SLC43A2: variants seen among roughly 807,000 people sequenced by gnomAD.
The protein encoded by SLC43A2 is solute carrier family 43 member 2.
A neutral mutation model predicts 63.2 loss-of-function variants in SLC43A2; 38 were observed. The ratio of observed to expected loss-of-function variants is 0.60; its 90% CI spans 0.46 to 0.79. The LOEUF is 0.79. Among genes scored for constraint, SLC43A2 ranks in the 30% least tolerant of loss-of-function variants. The pLI, the probability that SLC43A2 is intolerant of heterozygous loss-of-function variation, is 0.00. For synonymous variants in SLC43A2, 322 were observed against 331.0 expected (o/e 0.97, Z 0.30); for missense variants, 644 against 756.2 (o/e 0.85, Z 1.74).
Position 1,605,933 on chromosome 17 carries a change from C to G in SLC43A2, c.501+7262G>C, listed in dbSNP as rs931336226. ...CGGCCGGGTCCAGTCCTGCCAATAC[C>G]GCTGCCCTTTCCGTCTGAACGTGGT... On this transcript the variant is annotated intron_variant, in intron 5 of 13. Coordinates refer to ENST00000301335, the MANE Select transcript of SLC43A2 (RefSeq NM_152346.3). The surrounding 1 kb of genome is among the most constrained non-coding windows in gnomAD (Gnocchi z 4.9). Among the ~76,000 whole-genome samples, 1 of 152,184 alleles carries G rather than the reference C, an allele frequency of 6.6e-6. No homozygotes were observed. Among genetic ancestry groups the G allele is most frequent in the African/African-American group, 2.4e-5 (1 of 41,448 alleles).
In SLC43A2 at chr17:1,606,812, C is replaced by T. The variant is rs1906662012; in HGVS notation, c.501+6383G>A. On this transcript the variant is annotated intron_variant, in intron 5 of 13. Coordinates refer to ENST00000301335, the MANE Select transcript of SLC43A2 (RefSeq NM_152346.3). The surrounding 1 kb of genome is among the most constrained non-coding windows in gnomAD (Gnocchi z 4.7). Reference sequence around the variant, plus strand: ...GCCCTCCACGGATGGCACGCGATGGCCCAGGCCCTGTGCTGCAGGGCCCTG... The same window carrying T: ...GCCCTCCACGGATGGCACGCGATGGTCCAGGCCCTGTGCTGCAGGGCCCTG... Among the ~76,000 whole-genome samples, 1 of 152,228 alleles carries T rather than the reference C, an allele frequency of 6.6e-6. No individual in the cohort carries two copies. Among genetic ancestry groups the T allele is most frequent in the Admixed American group, 6.5e-5 (1 of 15,290 alleles).
chr17:1,586,927 A>AGGGGG, intron 9 of SLC43A2: 20 of 1,355,868 alleles, frequency 1.5e-5, no homozygotes, highest in Non-Finnish European at 1.9e-5. Context: ...TTCCCTGACA[A>AGGGGG]TCCCCCCCAC....
At chr17:1,613,768 T>G (rs1024897020) in intron 4 of SLC43A2, among the ~76,000 whole-genome samples, 2 of 152,162 alleles carry the variant, frequency 1.3e-5, no homozygotes, top group Non-Finnish European at 2.9e-5. Flanking sequence ...GCGTGGGCTC[T>G]TGAAAAAGCT....
chr17:1,622,497 GGA>G (rs1346199224), intron 2 of SLC43A2, among the ~76,000 whole-genome samples: 1 of 151,806 alleles, frequency 6.6e-6, no homozygotes, highest in Non-Finnish European at 1.5e-5. Flanking sequence ...CCCGGGAGGC[GGA>G]GGTTGCGGTG....
At chr17:1,590,993 C>T (rs530919072) in intron 8 of SLC43A2, 45 bp from the exon 9 acceptor site, 1 of 1,541,290 alleles carries the variant, frequency 6.5e-7, no homozygotes, top group Non-Finnish European at 8.8e-7. Flanking sequence ...CACACTGTCC[C>T]CACCACCGGG....
At chr17:1,579,154 T>A (rs77479491) in intron 11 of SLC43A2, among the ~76,000 whole-genome samples, 30,074 of 137,272 alleles carry the variant, frequency 0.22, 3,522 homozygotes, top group Middle Eastern at 0.29. Flanking sequence ...AAAAAAATAA[T>A]AATAATAATA....
chr17:1,576,860 T>TA, intron 12 of SLC43A2, 140 bp from the exon 13 acceptor site: 1 of 950,044 alleles, frequency 1.1e-6, no homozygotes, highest in Non-Finnish European at 1.5e-6. Context: ...GCTGGGCAGT[T>TA]CTGTTTTTTT....
In SLC43A2 at chr17:1,589,776, G is replaced by A. The variant is rs189933016; in HGVS notation, c.1078+1026C>T. Among the ~76,000 whole-genome samples, 16 of 152,140 alleles carry A rather than the reference G, an allele frequency of 1.1e-4. No homozygotes were observed. In the East Asian group the frequency reaches 1.5e-3, roughly 15 times the overall value. On this transcript the variant is annotated intron_variant, in intron 9 of 13. Coordinates refer to ENST00000301335, the MANE Select transcript of SLC43A2 (RefSeq NM_152346.3). ...AGGGATTACAGGGGCCCACCACCAC[G>A]CCTGGCTAATTTTTTGTATTTTTAG...
In SLC43A2 at chr17:1,621,665, TGCCCAC is replaced by T. The variant is rs1165909801; in HGVS notation, c.161-4902_161-4897del. Among the ~76,000 whole-genome samples the T allele has an allele frequency of 3.9e-5, 6 of 152,302 alleles. No homozygotes were observed. In the East Asian group the frequency reaches 7.7e-4, roughly 20 times the overall value. On this transcript the variant is annotated intron_variant, in intron 2 of 13. Coordinates refer to ENST00000301335, the MANE Select transcript of SLC43A2 (RefSeq NM_152346.3). ...TGCCAGCTGCCATGCTCAACGGGTG[TGCCCAC>T]GCCCACCCCATATTCCCCACGAGGA... is the stretch of plus-strand genomic sequence containing the variant.
At chr17:1,615,833 A>T (rs1396369662) in intron 3 of SLC43A2, among the ~76,000 whole-genome samples, 1 of 106,178 alleles carries the variant, frequency 9.4e-6, no homozygotes, top group Non-Finnish European at 1.9e-5. Flanking sequence ...ACAGAGGGAG[A>T]CTCCATCTCA....
chr17:1,585,711 A>G lies in SLC43A2; in HGVS notation c.1217+202T>C, dbSNP rs753206350. 7 of 1,519,248 alleles carry G rather than the reference A, an allele frequency of 4.6e-6. No homozygotes were observed. The Admixed American group carries it at 1.4e-4, about 30-fold the overall frequency. The allele number at this position is 1,519,248 out of a possible 1,614,324, so 94.1% of individuals were successfully genotyped here. Reference sequence around the variant, plus strand: ...CCTCAAACTTTAGCATTTCCATTGCATTCCAAACAATTTCCATAAAGAGGG... The same window carrying G: ...CCTCAAACTTTAGCATTTCCATTGCGTTCCAAACAATTTCCATAAAGAGGG... On this transcript the variant is annotated intron_variant, in intron 10 of 13. Transcript: ENST00000301335.
At chr17:1,596,570 A>C (rs1425389037) in intron 5 of SLC43A2, among the ~76,000 whole-genome samples, 2 of 152,142 alleles carry the variant, frequency 1.3e-5, no homozygotes, top group Non-Finnish European at 2.9e-5. Context: ...TCTCAATAAT[A>C]AAAAGATAAA....
intron 5 of SLC43A2, among the ~76,000 whole-genome samples, chr17:1,601,651 G>A (rs763815614): frequency 6.7e-6 from 1 of 150,352 alleles, no homozygotes; most frequent in Admixed American, 6.6e-5. Flanking sequence ...CCGCCCTCCC[G>A]AAGGTCCAAA....
intron 11 of SLC43A2, among the ~76,000 whole-genome samples, chr17:1,579,491 T>C (rs1015743456): frequency 6.6e-6 from 1 of 151,324 alleles, no homozygotes; most frequent in African/African-American, 2.4e-5. Flanking sequence ...AATTTATGAC[T>C]AAATAAATAA....
intron 2 of SLC43A2, 69 bp downstream of exon 2, chr17:1,627,646 G>GCCCCCAACCCCCCCCC: frequency 2.7e-6 from 2 of 733,230 alleles, no homozygotes; most frequent in Admixed American, 3.0e-5. Context: ...CTAGGTCTTC[G>GCCCCCAACCCCCCCCC]CCCCCATCCC....
chr17:1,582,623 C>A lies in SLC43A2; in HGVS notation c.1350+581G>T, dbSNP rs538920939. ...TGGTATCCACGGTTATGCAAGACGC[C>A]CCCAAAACCAAGACATGCCTTCCGG... is the stretch of plus-strand genomic sequence containing the variant. On this transcript the variant is annotated intron_variant, in intron 11 of 13. Transcript: ENST00000301335. 4.6e-5 allele frequency among the ~76,000 whole-genome samples: 7 copies of A among 152,294 alleles called. No homozygotes were observed. In the South Asian group the frequency reaches 1.5e-3, roughly 32 times the overall value.
At chr17:1,580,430 G>A (rs1465523258) in intron 11 of SLC43A2, among the ~76,000 whole-genome samples, 1 of 152,216 alleles carries the variant, frequency 6.6e-6, no homozygotes, top group Non-Finnish European at 1.5e-5. Context: ...AGCTGCCTTT[G>A]CCCACCTCGG....
intron 5 of SLC43A2, among the ~76,000 whole-genome samples, chr17:1,600,549 CTTTTTTT>C (rs398030152): frequency 4.1e-5 from 3 of 73,762 alleles, no homozygotes; most frequent in African/African-American, 1.5e-4. Flanking sequence ...TTTCTTTCCT[CTTTTTTT>C]TTTTTTTTTT....
intron 2 of SLC43A2, among the ~76,000 whole-genome samples, chr17:1,625,468 A>G (rs1174262513): frequency 1.3e-5 from 2 of 152,236 alleles, no homozygotes; most frequent in Non-Finnish European, 2.9e-5. Context: ...TCACAAGTCT[A>G]ATTCAATAAA....
Sources: allele counts gnomAD v4.1 joint callset (sites outside exome capture counted in the v4.1 genomes callset), GRCh38; gene constraint gnomAD v4.1.1; non-coding constraint Gnocchi (gnomAD v3.1); transcripts MANE v1.5; gene names NCBI Gene and HGNC (gene_info 2026-07-23, HGNC 2026-07-21).